Variants in LRMDA observed in about 807,000 individuals in gnomAD.
LRMDA encodes leucine-rich melanocyte differentiation-associated protein.
A neutral mutation model predicts 29.8 loss-of-function variants in LRMDA; 18 were observed. The observed-to-expected ratio is 0.60, with a 90% CI of 0.42 to 0.90. The LOEUF (loss-of-function observed/expected upper bound fraction) is 0.90, where lower values mean the gene tolerates loss of function less well. LRMDA is among the 40% of genes least tolerant of loss of function. The probability of loss-of-function intolerance (pLI) is 0.00; values close to 1 mark genes in which losing one functional copy is unlikely to be tolerated. For synonymous variants in LRMDA, 125 were observed against 109.4 expected, an observed-to-expected ratio of 1.14 and a Z score of -0.89; for missense variants, 273 against 273.9, an observed-to-expected ratio of 1.00 and a Z score of 0.02.
chr10:76,132,816 G>A (rs555121355), intron 5 of LRMDA, among the ~76,000 whole-genome samples: 5 of 140,950 alleles, frequency 3.5e-5, no homozygotes, highest in Non-Finnish European at 7.7e-5. Flanking sequence ...CTTTTTTGGC[G>A]GGGGGGGTCA....
intron 2 of LRMDA, among the ~76,000 whole-genome samples, chr10:75,497,367 A>G (rs1455807878): frequency 6.6e-6 from 1 of 152,048 alleles, no homozygotes. Flanking sequence ...CCATCAATCC[A>G]TCTTGCTTTT....
In LRMDA at chr10:76,546,228, T is replaced by C. The variant is rs147223575; in HGVS notation, c.602-10981T>C. On this transcript the variant is annotated intron_variant, in intron 6 of 6. Transcript: ENST00000611255. ...TGGCTTTATGATGCATGGGCGAAAG[T>C]CTATTGTTTTCGATTTTTTGGAGCT... is the stretch of plus-strand genomic sequence containing the variant. Among the ~76,000 whole-genome samples the C allele has an allele frequency of 2.6e-5, 4 of 152,266 alleles. No individual in the cohort carries two copies. In the East Asian group the frequency reaches 7.7e-4, roughly 29 times the overall value.
chr10:76,229,049 A>G (rs1852012255), intron 5 of LRMDA, among the ~76,000 whole-genome samples: 1 of 152,204 alleles, frequency 6.6e-6, no homozygotes, highest in Non-Finnish European at 1.5e-5. Flanking sequence ...TGAAGGATAA[A>G]TGCAATCTGG....
At chr10:75,572,734 T>C (rs1840453305) in intron 2 of LRMDA, among the ~76,000 whole-genome samples, 1 of 152,198 alleles carries the variant, frequency 6.6e-6, no homozygotes, top group Non-Finnish European at 1.5e-5. Flanking sequence ...TATTCTGTTA[T>C]GAACTGGATT....
At chr10:75,780,427 A>T (rs1026778697) in intron 2 of LRMDA, among the ~76,000 whole-genome samples, 1 of 152,160 alleles carries the variant, frequency 6.6e-6, no homozygotes, top group African/African-American at 2.4e-5. Context: ...ACCAAGAGTA[A>T]GGGATAGAGA....
At chr10:76,339,778 A>G (rs1464340328) in intron 6 of LRMDA, among the ~76,000 whole-genome samples, 5 of 152,104 alleles carry the variant, frequency 3.3e-5, no homozygotes, top group African/African-American at 1.2e-4. Context: ...TAAGGCAATT[A>G]TAGTTACCAG....
At chr10:75,538,977 A>G (rs543245205) in intron 2 of LRMDA, among the ~76,000 whole-genome samples, 62 of 152,220 alleles carry the variant, frequency 4.1e-4, no homozygotes, top group Non-Finnish European at 8.1e-4. Context: ...CCATCCCTAT[A>G]TTAGTGTTGC....
intron 2 of LRMDA, among the ~76,000 whole-genome samples, chr10:75,880,358 C>A (rs1390004938): frequency 6.6e-6 from 1 of 152,188 alleles, no homozygotes; most frequent in Non-Finnish European, 1.5e-5. Context: ...ACTAAAAGGT[C>A]ATTCAAAGAA....
At chr10:75,880,132 G>GTGTTTCTT (rs1443875292) in intron 2 of LRMDA, among the ~76,000 whole-genome samples, 6 of 152,182 alleles carry the variant, frequency 3.9e-5, no homozygotes, top group Non-Finnish European at 8.8e-5. Context: ...TGAGTAGTAT[G>GTGTTTCTT]TGTTTCTTCC....
chr10:75,497,124 A>G (rs1845054622), intron 2 of LRMDA, among the ~76,000 whole-genome samples: 1 of 152,164 alleles, frequency 6.6e-6, no homozygotes, highest in Admixed American at 6.5e-5. Context: ...TGGTTGAGAT[A>G]GTGATGAGAT....
intron 2 of LRMDA, among the ~76,000 whole-genome samples, chr10:75,800,833 G>A (rs1241969621): frequency 2.0e-5 from 3 of 152,110 alleles, no homozygotes; most frequent in African/African-American, 4.8e-5. Context: ...TATGTTGCAA[G>A]GATTCTGAAT....
intron 2 of LRMDA, among the ~76,000 whole-genome samples, chr10:75,577,680 A>G (rs1840525126): frequency 6.6e-6 from 1 of 152,240 alleles, no homozygotes; most frequent in Non-Finnish European, 1.5e-5. Context: ...TCACACTAAC[A>G]GCAGATCTCT....
chr10:75,886,498 A>G (rs554891381), intron 2 of LRMDA, among the ~76,000 whole-genome samples: 1 of 152,264 alleles, frequency 6.6e-6, no homozygotes, highest in African/African-American at 2.4e-5. Context: ...AATATTGATG[A>G]TCTTGTTTGT....
chr10:76,352,714 T>G (rs1020132505), intron 6 of LRMDA, among the ~76,000 whole-genome samples: 3 of 152,148 alleles, frequency 2.0e-5, no homozygotes, highest in Non-Finnish European at 4.4e-5. Flanking sequence ...TGCTGCTGTT[T>G]CTATTATTAT....
intron 2 of LRMDA, among the ~76,000 whole-genome samples, chr10:75,457,829 A>G (rs553714485): frequency 6.6e-6 from 1 of 152,308 alleles, no homozygotes; most frequent in East Asian, 1.9e-4. Context: ...GGTGATTTGA[A>G]TGCAAATGCA....
At chr10:76,339,603 C>T (rs1841012161) in intron 6 of LRMDA, among the ~76,000 whole-genome samples, 1 of 151,688 alleles carries the variant, frequency 6.6e-6, no homozygotes, top group African/African-American at 2.4e-5. Flanking sequence ...TATACTTTAT[C>T]AACAATACCA....
At chr10:75,924,716 C>T (rs1846089123) in intron 2 of LRMDA, among the ~76,000 whole-genome samples, 1 of 149,944 alleles carries the variant, frequency 6.7e-6, no homozygotes, top group East Asian at 2.0e-4. Flanking sequence ...GAGAACATGG[C>T]ATAAAGTTAG....
At chr10:76,307,403 G>A (rs765046691) in intron 5 of LRMDA, among the ~76,000 whole-genome samples, 2 of 152,200 alleles carry the variant, frequency 1.3e-5, no homozygotes, top group Non-Finnish European at 2.9e-5. Flanking sequence ...GATGCAGTGA[G>A]GGGCTCCTGA....
chr10:76,286,069 C>G (rs1840267705), intron 5 of LRMDA, among the ~76,000 whole-genome samples: 1 of 152,152 alleles, frequency 6.6e-6, no homozygotes, highest in Admixed American at 6.6e-5. Context: ...TACAGCAGGT[C>G]ACTCTGGGCT....
Sources: gnomAD v4.1 joint callset for allele counts (sites outside exome capture counted in the v4.1 genomes callset) on GRCh38, gnomAD v4.1.1 for gene constraint, MANE v1.5 for transcripts, NCBI Gene and HGNC (gene_info 2026-07-23, HGNC 2026-07-21) for gene names.